The following MTA1 variants were observed in gnomAD, a reference collection of about 807,000 sequenced individuals.
MTA1 encodes metastasis-associated protein MTA1.
MTA1 carries 15 observed loss-of-function variants against 97.0 expected under a neutral mutation model. The ratio of observed to expected loss-of-function variants is 0.15; its 90% confidence interval spans 0.10 to 0.24. The LOEUF (loss-of-function observed/expected upper bound fraction) is 0.24. MTA1 is among the 10% of genes least tolerant of loss of function. MTA1 has a pLI of 1.00. For missense variants in MTA1, 709 were observed against 1,015.1 expected (o/e 0.70, Z 4.10); for synonymous variants, 435 against 417.5 (o/e 1.04, Z -0.51).
In MTA1 at chr14:105,464,723, T is replaced by C. The variant is rs2083496278; in HGVS notation, c.1394T>C (p.Met465Thr). The C allele has an allele frequency of 6.2e-7, 1 of 1,608,696 alleles. No individual in the cohort carries two copies. Residue 465 changes from methionine (M) to threonine (T), a missense_variant, in exon 15 of 21, where the codon ATG becomes ACG. Transcript: ENST00000331320. ...AGCAGCGGGAGCCCCAAGTTTGCCA[T>C]GAAGACCAGGCAGGCTTTCTATCTG... is the stretch of plus-strand genomic sequence containing the variant. Reference protein sequence around the residue: ...ARSSGSPKFAMKTRQAFYLHT... With the variant: ...ARSSGSPKFATKTRQAFYLHT...
intron 2 of MTA1, among the ~76,000 whole-genome samples, chr14:105,440,832 CTCCAGGCGGGGCT>C (rs1555425491): frequency 2.0e-5 from 3 of 152,266 alleles, no homozygotes. Context: ...CGCCAAGGAG[CTCCAGGCGGGGCT>C]TCCAGGTGGG....
In MTA1 at chr14:105,420,009, G is replaced by T. The variant is rs1164512326; in HGVS notation, c.-27G>T. ...CGCGCCGAGCGCCGCGCCCGCCCCG[G>T]GCCCCTCCGCCGCCGCCGGCCCGGA... On this transcript the variant is annotated 5_prime_UTR_variant, in exon 1 of 21. Transcript: ENST00000331320. The surrounding 1 kb of genome is among the most constrained non-coding windows in gnomAD (Gnocchi z 5.3). 3 of 1,044,790 alleles carry T rather than the reference G, an allele frequency of 2.9e-6. No individual in the cohort carries two copies. The highest frequency in any genetic ancestry group is 1.9e-4 in the East Asian group (2 of 10,780). The allele number at this position is 1,044,790 out of a possible 1,614,324, so 64.7% of individuals were successfully genotyped here.
intron 7 of MTA1, among the ~76,000 whole-genome samples, chr14:105,456,786 C>G (rs587668348): frequency 8.2e-4 from 125 of 152,328 alleles, no homozygotes; most frequent in African/African-American, 3.0e-3. Flanking sequence ...CCAGGGTACC[C>G]CTGAGCCAGG....
At position 105,424,927 on chromosome 14, in the gene MTA1, C is replaced by T. The variant is rs190739614; in HGVS notation, c.28+4864C>T. 3.9e-5 allele frequency among the ~76,000 whole-genome samples: 6 copies of T among 152,378 alleles called. No individual in the cohort carries two copies. The East Asian group carries it at 7.7e-4, about 20-fold the overall frequency. On this transcript the variant is annotated intron_variant, in intron 1 of 20. Transcript: ENST00000331320. This position sits in a 1 kb window ranked among gnomAD's most constrained non-coding sequence, Gnocchi z 4.0. ...CGCGCCCGACCCGCCCTGGCAGTGC[C>T]GTTCCCGCCCGTGTGTGTGGGTTCT...
rs192263820 is a variant in MTA1, at chr14:105,426,505, C to T, written c.28+6442C>T. Reference sequence around the variant, plus strand: ...CAGAGGACAGCAAGGGCGCAGCGCACGTGGGGGCTGGCCCTGAGGTGTGGC... The same window carrying T: ...CAGAGGACAGCAAGGGCGCAGCGCATGTGGGGGCTGGCCCTGAGGTGTGGC... On this transcript the variant is annotated intron_variant, in intron 1 of 20. Coordinates refer to ENST00000331320, the MANE Select transcript of MTA1 (RefSeq NM_004689.4). 5.8e-3 allele frequency among the ~76,000 whole-genome samples: 883 copies of T among 152,194 alleles called. 14 individuals carry two copies. The highest frequency in any genetic ancestry group is 0.02 in the African/African-American group (813 of 41,502).
intron 1 of MTA1, among the ~76,000 whole-genome samples, chr14:105,434,376 T>G (rs1182682097): frequency 6.6e-6 from 1 of 152,210 alleles, no homozygotes; most frequent in African/African-American, 2.4e-5. Context: ...TCTTTAAACA[T>G]CTATAGATCT....
At chr14:105,469,657 G>C in intron 19 of MTA1, 159 bp downstream of exon 19, 1 of 1,211,546 alleles carries the variant, frequency 8.3e-7, no homozygotes, top group East Asian at 2.6e-5. Context: ...CATGGCCCCT[G>C]TGCCAGGCCC....
intron 2 of MTA1, among the ~76,000 whole-genome samples, chr14:105,440,609 A>G (rs1326866849): frequency 3.9e-5 from 6 of 152,236 alleles, no homozygotes; most frequent in African/African-American, 1.4e-4. Flanking sequence ...GTAGCATTGC[A>G]CACGCTCAGA....
intron 1 of MTA1, among the ~76,000 whole-genome samples, chr14:105,423,215 A>ATTTTTTTT (rs1166908446): frequency 1.8e-5 from 2 of 113,580 alleles, no homozygotes; most frequent in African/African-American, 3.7e-5. Context: ...TTTTTGTTTA[A>ATTTTTTTT]TTTTTTTTTT....
rs934187747 is a variant in MTA1 at position 105,422,885 on chromosome 14, G to A, written c.28+2822G>A. Among the ~76,000 whole-genome samples, 1 of 152,182 alleles carries A rather than the reference G, an allele frequency of 6.6e-6. No homozygotes were observed. Among genetic ancestry groups the A allele is most frequent in the Non-Finnish European group, 1.5e-5 (1 of 68,032 alleles). On this transcript the variant is annotated intron_variant, in intron 1 of 20. Transcript: ENST00000331320. The surrounding 1 kb of genome is among the most constrained non-coding windows in gnomAD (Gnocchi z 4.3). ...TTCTGTCTGTGCCTGTGAGGGCAGC[G>A]GATGGCCTGGGCAAGGGTGGCGGGG...
At chr14:105,425,708 G>C (rs371940915) in intron 1 of MTA1, among the ~76,000 whole-genome samples, 5 of 126,684 alleles carry the variant, frequency 3.9e-5, no homozygotes, top group East Asian at 4.9e-4. Flanking sequence ...TTCCTGTCCC[G>C]GTGGGCTCAT....
chr14:105,429,304 G>A (rs190723986), intron 1 of MTA1, among the ~76,000 whole-genome samples: 81 of 152,236 alleles, frequency 5.3e-4, no homozygotes, highest in African/African-American at 1.9e-3. Context: ...TTGTTTTTTG[G>A]AGATGAAGTC....
chr14:105,469,737 G>T, intron 19 of MTA1, 104 bp from the exon 20 acceptor site: 1 of 1,456,460 alleles, frequency 6.9e-7, no homozygotes, highest in Non-Finnish European at 9.3e-7. Context: ...ACTCACTGGG[G>T]TGGTGGGGGG....
intron 7 of MTA1, among the ~76,000 whole-genome samples, chr14:105,456,470 G>A (rs935870414): frequency 6.6e-6 from 1 of 152,184 alleles, no homozygotes; most frequent in South Asian, 2.1e-4. Flanking sequence ...CTCTCCCCAC[G>A]CTGCCTTCCC....
Position 105,469,875 on chromosome 14 carries a change from C to A in MTA1, c.1880C>A (p.Ser627Tyr), listed in dbSNP as rs782116014. The A allele has an allele frequency of 1.2e-6, 2 of 1,610,524 alleles. No individual in the cohort carries two copies. Among genetic ancestry groups the A allele is most frequent in the East Asian group, 2.2e-5 (1 of 44,738 alleles). ...CGGAACCTCCTGCTCAACGGGAAGT[C>A]CTACCCCACCAAAGTGCGCCTGATC... ...PSRNLLLNGK[S>Y]YPTKVRLIRG... The change falls in exon 20 of 21, where the codon TCC becomes TAC. Residue 627 changes from serine to tyrosine, a missense_variant. Physicochemically the swap from Ser to Tyr is moderately radical, Grantham distance 144 (BLOSUM62 -2). This residue lies in a region of MTA1 where 388 missense variants were observed against 421.6 expected (regional missense o/e 0.92). Transcript: ENST00000331320.
chr14:105,452,263 AAC>A (rs1170854047), intron 6 of MTA1, among the ~76,000 whole-genome samples: 1 of 152,252 alleles, frequency 6.6e-6, no homozygotes, highest in African/African-American at 2.4e-5. Context: ...AGTCCTGATA[AAC>A]ACAGGCTCAT....
At chr14:105,449,755 T>C (rs1319184827) in intron 4 of MTA1, among the ~76,000 whole-genome samples, 2 of 152,194 alleles carry the variant, frequency 1.3e-5, no homozygotes, top group African/African-American at 4.8e-5. Flanking sequence ...GCCTGCTGCT[T>C]CTGGGGCTGG....
chr14:105,464,885 C>G, intron 15 of MTA1, 22 bp downstream of exon 15: 1 of 1,543,230 alleles, frequency 6.5e-7, no homozygotes, highest in Non-Finnish European at 8.8e-7. Context: ...CAACGCCCCG[C>G]TTACTCTGTT....
At chr14:105,461,088 A>G in intron 10 of MTA1, 135 bp downstream of exon 10, 3 of 955,314 alleles carry the variant, frequency 3.1e-6, no homozygotes, top group Non-Finnish European at 3.1e-6. Context: ...GCGGAGCTGC[A>G]TGAGTTCTGT....
Sources: gnomAD v4.1 joint callset for allele counts (sites outside exome capture counted in the v4.1 genomes callset) on GRCh38, gnomAD v4.1.1 for gene constraint, gnomAD v4.1.1 regional missense constraint, Gnocchi (gnomAD v3.1) non-coding constraint, MANE v1.5 for transcripts, NCBI Gene and HGNC (gene_info 2026-07-23, HGNC 2026-07-21) for gene names.